The following SOCS7 variants were observed in gnomAD, a reference collection of about 807,000 sequenced individuals.
SOCS7 encodes suppressor of cytokine signaling 7, also known as NAP-4.
SOCS7 carries 18 observed loss-of-function variants against 58.9 expected under a neutral mutation model. The observed-to-expected ratio is 0.31, with a 90% CI of 0.21 to 0.45. The LOEUF (loss-of-function observed/expected upper bound fraction) is 0.45. Ranked by LOEUF, SOCS7 falls within the 20% of genes least tolerant of loss-of-function variation. The pLI is 1.00. For synonymous variants in SOCS7, 388 were observed against 364.3 expected, an observed-to-expected ratio of 1.06 and a Z score of -0.74; for missense variants, 667 against 837.3, an observed-to-expected ratio of 0.80 and a Z score of 2.51.
At chr17:38,396,595 C>T (rs988102987) in intron 9 of SOCS7, among the ~76,000 whole-genome samples, 3 of 152,222 alleles carry the variant, frequency 2.0e-5, no homozygotes, top group East Asian at 1.9e-4. Flanking sequence ...CATTTATCTA[C>T]GAGGCTCTTC....
rs557542624 is a variant in SOCS7 at position 38,395,922 on chromosome 17, C to T, written c.1892C>T (p.Ala631Val). Reference sequence around the variant, plus strand: ...GAGGTATACCTGTCTCTAAAGGAAGCGCAGCTCATTTCCAAACAGAAGCAA... The same window carrying T: ...GAGGTATACCTGTCTCTAAAGGAAGTGCAGCTCATTTCCAAACAGAAGCAA... The part of the protein sequence containing the change: ...QEEVYLSLKE[A>V]QLISKQKQEV... Residue 631 changes from alanine (A) to valine (V), a missense_variant, in exon 9 of 10, where the codon GCG becomes GTG. Transcript: ENST00000612932. The T allele has an allele frequency of 6.8e-6, 11 of 1,611,372 alleles. No homozygotes were observed. The highest frequency in any genetic ancestry group is 2.2e-5 in the South Asian group (2 of 90,400).
At chr17:38,363,552 C>T (rs587637258) in intron 2 of SOCS7, among the ~76,000 whole-genome samples, 1 of 152,268 alleles carries the variant, frequency 6.6e-6, no homozygotes, top group African/African-American at 2.4e-5. Context: ...CCAGGCTGGT[C>T]TTGAACTCCT....
chr17:38,390,540 T>C (rs1243549900), intron 7 of SOCS7, among the ~76,000 whole-genome samples: 1 of 152,162 alleles, frequency 6.6e-6, no homozygotes, highest in Non-Finnish European at 1.5e-5. Flanking sequence ...ATGTCAACAA[T>C]ATTATGTCTT....
chr17:38,364,047 AAG>A (rs1555567927), intron 2 of SOCS7, among the ~76,000 whole-genome samples: 2 of 152,318 alleles, frequency 1.3e-5, no homozygotes, highest in East Asian at 3.9e-4. Flanking sequence ...TGCTGGGAAG[AAG>A]AGAGGCCATG....
At chr17:38,367,158 G>T (rs2037801086) in intron 5 of SOCS7, among the ~76,000 whole-genome samples, 1 of 152,054 alleles carries the variant, frequency 6.6e-6, no homozygotes, top group African/African-American at 2.4e-5. Flanking sequence ...TCCGCCTCCT[G>T]GGTTCAAGCA....
intron 9 of SOCS7, among the ~76,000 whole-genome samples, chr17:38,398,217 A>AGTAACAC (rs1034870044): frequency 6.6e-6 from 1 of 151,334 alleles, no homozygotes; most frequent in African/African-American, 2.4e-5. Flanking sequence ...AAAGGGAGGA[A>AGTAACAC]GTAACACTTC....
intron 7 of SOCS7, among the ~76,000 whole-genome samples, chr17:38,388,700 G>A (rs149683277): frequency 1.8e-3 from 278 of 152,152 alleles, no homozygotes; most frequent in Middle Eastern, 3.4e-3. Context: ...TCTGTTTTCC[G>A]TTTCTATGGA....
intron 7 of SOCS7, among the ~76,000 whole-genome samples, chr17:38,382,554 C>T (rs960239852): frequency 1.3e-5 from 2 of 151,922 alleles, no homozygotes; most frequent in Non-Finnish European, 2.9e-5. Context: ...GGCACGATCT[C>T]GGCTCACTGC....
intron 4 of SOCS7, 47 bp downstream of exon 4, chr17:38,365,456 G>A (rs750293452): frequency 1.7e-5 from 22 of 1,257,778 alleles, no homozygotes; most frequent in Admixed American, 1.1e-4. Flanking sequence ...GGAGTACAAA[G>A]TGATACTTTC....
chr17:38,372,075 T>C (rs1391333965), intron 6 of SOCS7, among the ~76,000 whole-genome samples: 1 of 152,150 alleles, frequency 6.6e-6, no homozygotes, highest in Non-Finnish European at 1.5e-5. Flanking sequence ...TTGAACAACC[T>C]GGGTTTGAAC....
Position 38,384,117 on chromosome 17 carries a change from C to G in SOCS7, c.1681+6275C>G, listed in dbSNP as rs1304094640. On this transcript the variant is annotated intron_variant, in intron 7 of 9. Transcript: ENST00000612932. ...AGACTCCCTTGAGGATATTTGCAAA[C>G]TAGACTTATTCCTGGCTTATTACCT... 3.9e-5 allele frequency among the ~76,000 whole-genome samples: 6 copies of G among 152,192 alleles called. No individual in the cohort carries two copies. The East Asian group carries it at 9.7e-4, about 25-fold the overall frequency.
intron 9 of SOCS7, among the ~76,000 whole-genome samples, chr17:38,397,681 C>T (rs2038262558): frequency 6.6e-6 from 1 of 152,196 alleles, no homozygotes; most frequent in Admixed American, 6.5e-5. Flanking sequence ...TTATTTGGCA[C>T]CCAGTATGAA....
chr17:38,376,945 T>G lies in SOCS7; in HGVS notation c.1553-769T>G, dbSNP rs148272337. 3.0e-3 allele frequency among the ~76,000 whole-genome samples: 455 copies of G among 152,322 alleles called. 6 individuals carry two copies. The highest frequency in any genetic ancestry group is 9.8e-3 in the African/African-American group (408 of 41,564). Reference sequence around the variant, plus strand: ...AGGTACATGAATACTTACCATTCTTTAGAGTTGCCTCCAGTATTCAGCACA... The same window carrying G: ...AGGTACATGAATACTTACCATTCTTGAGAGTTGCCTCCAGTATTCAGCACA... On this transcript the variant is annotated intron_variant, in intron 6 of 9. Transcript: ENST00000612932.
chr17:38,382,855 T>G (rs1242357662), intron 7 of SOCS7, among the ~76,000 whole-genome samples: 1 of 152,174 alleles, frequency 6.6e-6, no homozygotes, highest in Non-Finnish European at 1.5e-5. Context: ...TTATAATTAC[T>G]TGTTCAGTGA....
At chr17:38,363,760 T>C (rs2037749958) in intron 2 of SOCS7, among the ~76,000 whole-genome samples, 1 of 152,158 alleles carries the variant, frequency 6.6e-6, no homozygotes, top group Admixed American at 6.6e-5. Flanking sequence ...CACCTCATTT[T>C]CTTAACGGGG....
intron 6 of SOCS7, among the ~76,000 whole-genome samples, chr17:38,376,954 C>T (rs2037939691): frequency 6.6e-6 from 1 of 152,138 alleles, no homozygotes; most frequent in Non-Finnish European, 1.5e-5. Flanking sequence ...TTAGAGTTGC[C>T]TCCAGTATTC....
At chr17:38,381,966 A>C (rs895969901) in intron 7 of SOCS7, among the ~76,000 whole-genome samples, 2 of 149,986 alleles carry the variant, frequency 1.3e-5, no homozygotes, top group Non-Finnish European at 3.0e-5. Flanking sequence ...AAAAAAAAAA[A>C]AAAAAAAACC....
chr17:38,352,666 G>T lies in SOCS7; in HGVS notation c.614G>T (p.Gly205Val). ...SCSEEELSSPGRGGGGGGRLL... is the reference protein window; with the variant it reads ...SCSEEELSSPVRGGGGGGRLL... Reference sequence around the variant, plus strand: ...TCGGAAGAGGAGCTCAGCAGCCCGGGTCGCGGAGGAGGAGGGGGCGGCCGG... The same window carrying T: ...TCGGAAGAGGAGCTCAGCAGCCCGGTTCGCGGAGGAGGAGGGGGCGGCCGG... Residue 205 changes from glycine (G) to valine (V), a missense_variant, in exon 1 of 10, where the codon GGT becomes GTT. This residue lies in a region of SOCS7 where 208 missense variants were observed against 190.3 expected (regional missense o/e 1.09). Transcript: ENST00000612932. The surrounding 1 kb of genome is among the most constrained non-coding windows in gnomAD (Gnocchi z 5.5). 1 of 1,549,928 alleles carries T rather than the reference G, an allele frequency of 6.5e-7. No homozygotes were observed. The highest frequency in any genetic ancestry group is 8.7e-7 in the Non-Finnish European group (1 of 1,146,832).
At chr17:38,397,494 C>T (rs570011048) in intron 9 of SOCS7, among the ~76,000 whole-genome samples, 110 of 152,186 alleles carry the variant, frequency 7.2e-4, no homozygotes, top group Non-Finnish European at 1.1e-3. Context: ...GAATGCTCTG[C>T]CCCAAGGCCC....
Sources: allele counts gnomAD v4.1 joint callset (sites outside exome capture counted in the v4.1 genomes callset), GRCh38; gene constraint gnomAD v4.1.1; regional missense constraint gnomAD v4.1.1; non-coding constraint Gnocchi (gnomAD v3.1); transcripts MANE v1.5; gene names NCBI Gene and HGNC (gene_info 2026-07-23, HGNC 2026-07-21).